The following PDE11A variants were observed in gnomAD, a reference collection of about 807,000 sequenced individuals.
The protein encoded by PDE11A is dual 3',5'-cyclic-AMP and -GMP phosphodiesterase 11A.
Under a neutral mutation model 100.5 loss-of-function variants are expected in PDE11A, and 100 were observed. The observed-to-expected ratio is 1.00, with a 90% CI of 0.85 to 1.18. The LOEUF is 1.18. PDE11A is among the 50% of genes most tolerant of loss of function. The pLI is 0.00. For synonymous variants in PDE11A, 381 were observed against 420.8 expected, an observed-to-expected ratio of 0.91 and a Z score of 1.16; for missense variants, 1,141 against 1,152.6, an observed-to-expected ratio of 0.99 and a Z score of 0.15.
chr2:177,788,371 T>C (rs899536321), intron 9 of PDE11A, among the ~76,000 whole-genome samples: 2 of 147,952 alleles, frequency 1.4e-5, no homozygotes, highest in Admixed American at 1.3e-4. Flanking sequence ...CCAGAATCTC[T>C]GGGACGCATT....
chr2:177,758,650 A>G (rs1294857979), intron 10 of PDE11A, among the ~76,000 whole-genome samples: 5 of 152,212 alleles, frequency 3.3e-5, no homozygotes, highest in Non-Finnish European at 5.9e-5. Context: ...ACACACCACA[A>G]TAAAAAGAAT....
chr2:177,739,325 G>A (rs2081838868), intron 10 of PDE11A, among the ~76,000 whole-genome samples: 4 of 152,182 alleles, frequency 2.6e-5, no homozygotes, highest in Admixed American at 2.0e-4. Context: ...AGTAGCTAAT[G>A]GCAATAGTAG....
At chr2:177,875,635 C>A (rs2084223874) in intron 5 of PDE11A, among the ~76,000 whole-genome samples, 1 of 152,112 alleles carries the variant, frequency 6.6e-6, no homozygotes, top group South Asian at 2.1e-4. Flanking sequence ...CCCGCCTCAG[C>A]CTCCCAAAGT....
At chr2:177,960,132 G>A (rs996496829) in intron 2 of PDE11A, among the ~76,000 whole-genome samples, 1 of 151,472 alleles carries the variant, frequency 6.6e-6, no homozygotes, top group Non-Finnish European at 1.5e-5. Flanking sequence ...TTTCCCCGTC[G>A]CTTAAAGTTT....
At chr2:178,069,240 G>C (rs927967938) in intron 1 of PDE11A, among the ~76,000 whole-genome samples, 1 of 151,994 alleles carries the variant, frequency 6.6e-6, no homozygotes, top group Non-Finnish European at 1.5e-5. Context: ...AGGTATTATT[G>C]TCCCCATTTT....
chr2:177,717,897 A>C lies in PDE11A; in HGVS notation c.2044-6019T>G, dbSNP rs2081465988. On this transcript the variant is annotated intron_variant, in intron 12 of 19. Transcript: ENST00000286063. ...TCAGCCAGGATGTACTCTCATTTTA[A>C]TGTTGATCCTGTATGATACCAGTGA... Among the ~76,000 whole-genome samples, 8 of 152,208 alleles carry C rather than the reference A, an allele frequency of 5.3e-5. No individual in the cohort carries two copies. In the South Asian group the frequency reaches 1.7e-3, roughly 32 times the overall value.
chr2:177,889,440 T>C (rs1285125805), intron 4 of PDE11A, among the ~76,000 whole-genome samples: 1 of 152,196 alleles, frequency 6.6e-6, no homozygotes, highest in African/African-American at 2.4e-5. Context: ...AAATCCAAGA[T>C]TGCCTTTATT....
chr2:178,089,292 C>A (rs1173425701), intron 2 of PDE11A, among the ~76,000 whole-genome samples: 1 of 152,062 alleles, frequency 6.6e-6, no homozygotes, highest in Non-Finnish European at 1.5e-5. Flanking sequence ...TTGTTAAAGA[C>A]AGGAAGAAAG....
At chr2:177,637,998 T>TATATATATATATA (rs1491152209) in intron 19 of PDE11A, among the ~76,000 whole-genome samples, 26 of 22,162 alleles carry the variant, frequency 1.2e-3, no homozygotes, top group African/African-American at 2.5e-3. Context: ...TATATATATA[T>TATATATATATATA]TTTTTTTTTT....
At chr2:177,765,794 G>T (rs2082231021) in intron 10 of PDE11A, among the ~76,000 whole-genome samples, 1 of 152,172 alleles carries the variant, frequency 6.6e-6, no homozygotes, top group South Asian at 2.1e-4. Flanking sequence ...GAGGTCCATG[G>T]CCTTAACTTT....
chr2:178,033,455 A>G (rs542396232), intron 1 of PDE11A, among the ~76,000 whole-genome samples: 6 of 152,324 alleles, frequency 3.9e-5, no homozygotes, highest in African/African-American at 1.4e-4. Context: ...GGGAGAATGG[A>G]ACCAAGTTGG....
At chr2:177,789,772 G>A (rs1490233339) in intron 9 of PDE11A, among the ~76,000 whole-genome samples, 1 of 152,054 alleles carries the variant, frequency 6.6e-6, no homozygotes, top group Non-Finnish European at 1.5e-5. Flanking sequence ...CAAATCATGA[G>A]TGAACTCCCA....
intron 1 of PDE11A, among the ~76,000 whole-genome samples, chr2:178,048,614 A>C (rs987028007): frequency 1.3e-5 from 2 of 152,078 alleles, no homozygotes; most frequent in East Asian, 3.9e-4. Context: ...GGCCACCCCC[A>C]AAGAGCAGTC....
chr2:177,872,804 G>C (rs2084161757), intron 5 of PDE11A, among the ~76,000 whole-genome samples: 1 of 152,050 alleles, frequency 6.6e-6, no homozygotes, highest in African/African-American at 2.4e-5. Flanking sequence ...TCCCTTCCAT[G>C]TCACTGGTGA....
At chr2:178,015,759 AGAG>A (rs1225726019) in intron 1 of PDE11A, among the ~76,000 whole-genome samples, 1 of 152,016 alleles carries the variant, frequency 6.6e-6, no homozygotes, top group Non-Finnish European at 1.5e-5. Context: ...GGAGGGAGGG[AGAG>A]AAGGGAAGGA....
intron 19 of PDE11A, among the ~76,000 whole-genome samples, chr2:177,652,108 C>T (rs1396656232): frequency 3.9e-5 from 6 of 152,178 alleles, no homozygotes; most frequent in Admixed American, 3.9e-4. Flanking sequence ...GTGGGGTCTC[C>T]CAGTGGCTGA....
At chr2:178,041,901 C>A (rs1210496805) in intron 1 of PDE11A, among the ~76,000 whole-genome samples, 1 of 152,170 alleles carries the variant, frequency 6.6e-6, no homozygotes, top group Non-Finnish European at 1.5e-5. Context: ...CTACCTTGAA[C>A]ATAAATTTCT....
intron 3 of PDE11A, among the ~76,000 whole-genome samples, chr2:177,900,504 C>T (rs1481781704): frequency 6.6e-6 from 1 of 152,144 alleles, no homozygotes; most frequent in African/African-American, 2.4e-5. Flanking sequence ...GCCAATAATC[C>T]CAGCACTTTG....
At chr2:177,841,440 G>A (rs2083488868) in intron 5 of PDE11A, among the ~76,000 whole-genome samples, 2 of 152,166 alleles carry the variant, frequency 1.3e-5, no homozygotes, top group South Asian at 4.1e-4. Context: ...ACTACAGCAA[G>A]AATAATCATC....
Sources: gnomAD v4.1 joint callset for allele counts (sites outside exome capture counted in the v4.1 genomes callset) on GRCh38, gnomAD v4.1.1 for gene constraint, MANE v1.5 for transcripts, NCBI Gene and HGNC (gene_info 2026-07-23, HGNC 2026-07-21) for gene names.